The following PAPPA2 variants were observed in gnomAD, a reference collection of about 807,000 sequenced individuals.
The protein encoded by PAPPA2 is pappalysin-2.
PAPPA2 carries 86 observed loss-of-function variants against 176.4 expected under a neutral mutation model. That is an observed-to-expected ratio of 0.49 (90% CI 0.41 to 0.58). PAPPA2 has a LOEUF of 0.58. Among genes scored for constraint, PAPPA2 ranks in the 20% least tolerant of loss-of-function variants. The pLI, the probability that PAPPA2 is intolerant of heterozygous loss-of-function variation, is 0.00. For synonymous variants in PAPPA2, 809 were observed against 852.2 expected (o/e 0.95, Z 0.88); for missense variants, 2,073 against 2,256.9 (o/e 0.92, Z 1.65).
In PAPPA2 at chr1:176,765,721, C is replaced by G. The variant is rs753684831; in HGVS notation, c.4207C>G (p.His1403Asp). Residue 1403 changes from histidine (H) to aspartate (D), a missense_variant, in exon 15 of 23, where the codon CAT (histidine) becomes GAT (aspartate). Coordinates refer to ENST00000367662, the MANE Select transcript of PAPPA2 (RefSeq NM_020318.3). ...QDSCPSLLLD[H>D]ADVVNCTSIG... ...CAGCTGTCCGTCATTGCTGCTTGATCATGCTGATGTGGTGAACTGTACCTC... is the reference window on the plus strand; with the variant it reads ...CAGCTGTCCGTCATTGCTGCTTGATGATGCTGATGTGGTGAACTGTACCTC... 9.9e-6 allele frequency: 16 copies of G among 1,613,986 alleles called. No homozygotes were observed. The highest frequency in any genetic ancestry group is 1.3e-5 in the African/African-American group (1 of 74,914).
chr1:176,522,524 C>T (rs1290147055), intron 1 of PAPPA2, among the ~76,000 whole-genome samples: 1 of 152,212 alleles, frequency 6.6e-6, no homozygotes, highest in African/African-American at 2.4e-5. Context: ...AGACAGTTGT[C>T]CCCCAAGAGA....
intron 3 of PAPPA2, among the ~76,000 whole-genome samples, chr1:176,645,206 A>G (rs901381673): frequency 6.6e-6 from 1 of 151,714 alleles, no homozygotes; most frequent in African/African-American, 2.4e-5. Context: ...TTCAAATTGT[A>G]CATTTGTACC....
intron 20 of PAPPA2, among the ~76,000 whole-genome samples, chr1:176,796,406 G>T (rs1316518461): frequency 6.6e-6 from 1 of 152,176 alleles, no homozygotes; most frequent in Non-Finnish European, 1.5e-5. Flanking sequence ...AGAACTCTGT[G>T]CCCTGATGTG....
intron 3 of PAPPA2, among the ~76,000 whole-genome samples, chr1:176,655,487 G>C (rs573388080): frequency 1.3e-5 from 2 of 151,884 alleles, no homozygotes; most frequent in East Asian, 3.9e-4. Context: ...GCATTTTTCA[G>C]AAGATATATA....
chr1:176,586,333 C>CA (rs200733355), intron 2 of PAPPA2, among the ~76,000 whole-genome samples: 22 of 150,254 alleles, frequency 1.5e-4, no homozygotes, highest in African/African-American at 2.2e-4. Flanking sequence ...TATTTTTCTT[C>CA]AAAAAAAAAT....
At chr1:176,517,885 AT>A (rs3215523) in intron 1 of PAPPA2, among the ~76,000 whole-genome samples, 26,360 of 152,086 alleles carry the variant, frequency 0.17, 2,462 homozygotes, top group Middle Eastern at 0.28. Flanking sequence ...AAGAAAGGAA[AT>A]TTTTGAAAGC....
rs114568313 is a variant in PAPPA2, at chr1:176,558,333, G to A, written c.919+1092G>A. Among the ~76,000 whole-genome samples the A allele has an allele frequency of 2.8e-3, 421 of 152,278 alleles. 1 individual carries two copies. Among genetic ancestry groups the A allele is most frequent in the African/African-American group, 8.5e-3 (354 of 41,564 alleles). On this transcript the variant is annotated intron_variant, in intron 2 of 22. Coordinates refer to ENST00000367662, the MANE Select transcript of PAPPA2 (RefSeq NM_020318.3). ...AATAGAACTCCAGGACACTTGAATC[G>A]CTTGAAGATTTTCCGAATTAAGAAA...
chr1:176,761,156 T>C (rs1375517420), intron 14 of PAPPA2, among the ~76,000 whole-genome samples: 1 of 152,006 alleles, frequency 6.6e-6, no homozygotes, highest in Admixed American at 6.6e-5. Flanking sequence ...CACAATGACA[T>C]TGGAAGTGAA....
intron 15 of PAPPA2, among the ~76,000 whole-genome samples, chr1:176,766,146 A>G (rs1663953375): frequency 6.6e-6 from 1 of 152,196 alleles, no homozygotes; most frequent in African/African-American, 2.4e-5. Flanking sequence ...GCCAAAGTTC[A>G]GACTTGTCTG....
At chr1:176,691,351 T>A in intron 5 of PAPPA2, 1 of 210,562 alleles carries the variant, frequency 4.7e-6, no homozygotes, top group Non-Finnish European at 8.2e-6. Context: ...CGATTCTGTC[T>A]GTCATCTTTC....
intron 2 of PAPPA2, 101 bp from the exon 3 acceptor site, chr1:176,594,400 CGCTTACTTTATTCCCCATTAAAA>C: frequency 1.3e-6 from 1 of 789,560 alleles, no homozygotes; most frequent in South Asian, 1.9e-5. Context: ...AAATCTGTGT[CGCTTACTTTATTCCCCATTAAAA>C]ACCTGCATTC....
chr1:176,616,504 G>C, intron 3 of PAPPA2: 2 of 973,472 alleles, frequency 2.1e-6, no homozygotes, highest in Non-Finnish European at 3.2e-6. Context: ...TAACAACCAG[G>C]TTCTTCACAA....
chr1:176,700,444 T>C (rs960470049), intron 8 of PAPPA2, among the ~76,000 whole-genome samples: 4 of 152,232 alleles, frequency 2.6e-5, no homozygotes, highest in Admixed American at 6.5e-5. Flanking sequence ...ACATTATTTC[T>C]CATGATTCTA....
chr1:176,545,642 A>G (rs906317664), intron 1 of PAPPA2, among the ~76,000 whole-genome samples: 1 of 152,152 alleles, frequency 6.6e-6, no homozygotes, highest in African/African-American at 2.4e-5. Flanking sequence ...CATTTTATAT[A>G]AGGGACTTGA....
At chr1:176,499,870 T>C (rs1336118977) in intron 1 of PAPPA2, among the ~76,000 whole-genome samples, 1 of 152,186 alleles carries the variant, frequency 6.6e-6, no homozygotes, top group Non-Finnish European at 1.5e-5. Flanking sequence ...TTGTGGTAAC[T>C]GAACAAAGGC....
intron 21 of PAPPA2, among the ~76,000 whole-genome samples, chr1:176,801,023 T>C (rs1325523421): frequency 1.3e-5 from 2 of 152,032 alleles, no homozygotes; most frequent in Non-Finnish European, 2.9e-5. Flanking sequence ...AAGTCAACTT[T>C]TAAATAGGGC....
intron 15 of PAPPA2, among the ~76,000 whole-genome samples, 195 bp downstream of exon 15, chr1:176,766,032 TA>T (rs896178382): frequency 5.7e-4 from 87 of 152,334 alleles, no homozygotes; most frequent in African/African-American, 2.0e-3. Context: ...CAGTGCTGAT[TA>T]AGTGGGTTGG....
intron 3 of PAPPA2, among the ~76,000 whole-genome samples, chr1:176,604,838 CATGACA>C (rs1252659575): frequency 6.6e-6 from 1 of 152,164 alleles, no homozygotes; most frequent in Non-Finnish European, 1.5e-5. Context: ...AAACCAATGA[CATGACA>C]ATGTAGGGCA....
intron 2 of PAPPA2, among the ~76,000 whole-genome samples, chr1:176,567,048 A>C (rs1202054004): frequency 6.6e-6 from 1 of 152,180 alleles, no homozygotes; most frequent in African/African-American, 2.4e-5. Context: ...TTCAGCTCAC[A>C]TCATACACCC....
Sources: allele counts gnomAD v4.1 joint callset (sites outside exome capture counted in the v4.1 genomes callset), GRCh38; gene constraint gnomAD v4.1.1; transcripts MANE v1.5; gene names NCBI Gene and HGNC (gene_info 2026-07-23, HGNC 2026-07-21).